Variants in NWD1 observed in about 807,000 individuals in gnomAD.
The protein encoded by NWD1 is NACHT and WD repeat domain containing 1, also known as NACHT domain- and WD repeat-containing protein 1.
A neutral mutation model predicts 135.1 loss-of-function variants in NWD1; 129 were observed. The ratio of observed to expected loss-of-function variants is 0.96; its 90% confidence interval spans 0.83 to 1.11. The LOEUF (loss-of-function observed/expected upper bound fraction) is 1.11, where lower values mean the gene tolerates loss of function less well. NWD1 is among the 50% of genes least tolerant of loss of function. NWD1 has a pLI of 0.00. For missense variants in NWD1, 1,740 were observed against 1,851.3 expected (o/e 0.94, Z 1.10); for synonymous variants, 773 against 786.0 (o/e 0.98, Z 0.28).
chr19:16,776,225 T>C (rs1371528132), intron 11 of NWD1, among the ~76,000 whole-genome samples: 4 of 152,078 alleles, frequency 2.6e-5, no homozygotes, highest in African/African-American at 9.7e-5. Context: ...CTAGTTCTGT[T>C]AAAGTTGAGA....
At chr19:16,790,597 G>A (rs1280783211) in intron 13 of NWD1, among the ~76,000 whole-genome samples, 2 of 150,002 alleles carry the variant, frequency 1.3e-5, no homozygotes, top group Admixed American at 6.7e-5. Flanking sequence ...AAACCTGCAC[G>A]TTCGGCACAT....
intron 11 of NWD1, 94 bp downstream of exon 11, chr19:16,773,417 C>T (rs778004347): frequency 1.4e-5 from 15 of 1,094,270 alleles, no homozygotes; most frequent in Non-Finnish European, 1.8e-5. Flanking sequence ...CTGGGACTCC[C>T]CTGTGCTAGT....
chr19:16,773,780 C>T (rs745880715), intron 11 of NWD1, among the ~76,000 whole-genome samples: 3 of 152,068 alleles, frequency 2.0e-5, no homozygotes, highest in Non-Finnish European at 4.4e-5. Context: ...TTCCATTCAT[C>T]CAACCATCTA....
rs190339086 is a variant in NWD1, at chr19:16,807,957, G to A, written c.4108G>A (p.Asp1370Asn). ...YRVVYSMTNG[D>N]LFLYECATSK... is the part of the protein sequence containing the mutation. Reference sequence around the variant, plus strand: ...CGTGGTCTACAGCATGACCAATGGGGACCTCTTTCTTTACGAGTGTGCAAC... The same window carrying A: ...CGTGGTCTACAGCATGACCAATGGGAACCTCTTTCTTTACGAGTGTGCAAC... Residue 1370 changes from aspartate (D) to asparagine (N), a missense_variant, in exon 18 of 19, where the codon GAC (aspartate) becomes AAC (asparagine). Transcript: ENST00000524140. 3 of 1,614,152 alleles carry A rather than the reference G, an allele frequency of 1.9e-6. No individual in the cohort carries two copies. Among genetic ancestry groups the A allele is most frequent in the Non-Finnish European group, 2.5e-6 (3 of 1,180,038 alleles).
At chr19:16,809,732 T>C (rs921730981) in intron 18 of NWD1, among the ~76,000 whole-genome samples, 1 of 151,734 alleles carries the variant, frequency 6.6e-6, no homozygotes, top group Admixed American at 6.6e-5. Flanking sequence ...TTTTTTTGTA[T>C]TTTTTTGGTA....
chr19:16,754,415 T>C (rs978468949), intron 6 of NWD1, among the ~76,000 whole-genome samples: 1 of 149,910 alleles, frequency 6.7e-6, no homozygotes, highest in Admixed American at 6.7e-5. Context: ...TATCCATCCG[T>C]CTATCCGCCC....
intron 18 of NWD1, among the ~76,000 whole-genome samples, chr19:16,812,533 G>T (rs939020163): frequency 7.9e-5 from 12 of 151,996 alleles, no homozygotes; most frequent in African/African-American, 2.9e-4. Context: ...GCCAGGCATG[G>T]TGGCTCATGC....
rs544183011 is a variant in NWD1, at chr19:16,797,876, C to A, written c.3449C>A (p.Ala1150Glu). The A allele has an allele frequency of 1.2e-6, 2 of 1,613,032 alleles. No homozygotes were observed. The highest frequency in any genetic ancestry group is 1.7e-6 in the Non-Finnish European group (2 of 1,179,286). Residue 1150 changes from alanine to glutamate, a missense_variant, in exon 16 of 19, where the codon GCG becomes GAG. By Grantham distance (107) the Ala-to-Glu change is moderately radical (BLOSUM62 -1). Transcript: ENST00000524140. ...NNLIITGSLDALIQVWSLSEQ... is the reference protein window; with the variant it reads ...NNLIITGSLDELIQVWSLSEQ... ...CTGATCATCACGGGGTCCCTTGATG[C>A]GCTCATTCAGGTGAGGGGAGATCTG... is the stretch of plus-strand genomic sequence containing the variant.
At chr19:16,768,876 C>T (rs915396589) in intron 10 of NWD1, among the ~76,000 whole-genome samples, 1 of 152,190 alleles carries the variant, frequency 6.6e-6, no homozygotes, top group African/African-American at 2.4e-5. Flanking sequence ...CTAATCCTGG[C>T]CCTGCAAACC....
intron 5 of NWD1, chr19:16,745,224 C>T (rs1002437917): frequency 1.6e-5 from 6 of 369,660 alleles, no homozygotes; most frequent in African/African-American, 1.1e-4. Context: ...TATTCACTAC[C>T]ACGAGAACAG....
chr19:16,749,504 G>A lies in NWD1; in HGVS notation c.862G>A (p.Gly288Arg), dbSNP rs145641467. 2.2e-5 allele frequency: 36 copies of A among 1,610,456 alleles called. No homozygotes were observed. The highest frequency in any genetic ancestry group is 2.0e-4 in the African/African-American group (15 of 74,830). Residue 288 changes from glycine to arginine, a missense_variant, in exon 6 of 19, where the codon GGA becomes AGA. Transcript: ENST00000524140. ...LTRLRELDTAGQELAWLYQEI... is the reference protein window; with the variant it reads ...LTRLRELDTARQELAWLYQEI... ...ACGCCTCCGTGAGCTGGATACGGCC[G>A]GACAGGAGTTGGCGTGGCTCTACCA... is the stretch of plus-strand genomic sequence containing the variant.
intron 11 of NWD1, among the ~76,000 whole-genome samples, chr19:16,774,601 T>TATCC (rs894399187): frequency 6.6e-6 from 1 of 150,908 alleles, no homozygotes; most frequent in African/African-American, 2.4e-5. Flanking sequence ...TTCATTAATC[T>TATCC]ATCCATCCAT....
In NWD1 at chr19:16,779,108, G is replaced by A. The variant is rs796116538; in HGVS notation, c.2609-235G>A. Among the ~76,000 whole-genome samples the A allele has an allele frequency of 9.2e-5, 14 of 152,290 alleles. 1 individual carries two copies. Among genetic ancestry groups the A allele is most frequent in the African/African-American group, 3.4e-4 (14 of 41,562 alleles). On this transcript the variant is annotated intron_variant, in intron 11 of 18. Transcript: ENST00000524140. ...CTAGACAGACACTTATGACCACACT[G>A]TGATGCAGTCCCCTTCCCTACCTAA...
At position 16,744,827 on chromosome 19, in the gene NWD1, C is replaced by G. The variant is rs183414778; in HGVS notation, c.496+109C>G. On this transcript the variant is annotated intron_variant, in intron 5 of 18. Transcript: ENST00000524140. ...CAACAGTCTGCATTTCTTGCAAATG[C>G]CAAACCAGTCAACCTCTGGTCCCTC... is the stretch of plus-strand genomic sequence containing the variant. The G allele has an allele frequency of 4.7e-5, 43 of 909,432 alleles. No homozygotes were observed. The East Asian group carries it at 8.6e-4, about 18-fold the overall frequency. The allele number at this position is 909,432 out of a possible 1,614,324, so 56.3% of individuals were successfully genotyped here.
chr19:16,774,646 G>A (rs527337404), intron 11 of NWD1, among the ~76,000 whole-genome samples: 227 of 143,412 alleles, frequency 1.6e-3, no homozygotes, highest in Non-Finnish European at 2.7e-3. Context: ...CCTTTCATCC[G>A]TCCATCCACC....
rs139528625 is a variant in NWD1, at chr19:16,757,492, G to A, written c.1770-1733G>A. On this transcript the variant is annotated intron_variant, in intron 6 of 18. Coordinates refer to ENST00000524140, the MANE Select transcript of NWD1 (RefSeq NM_001007525.5). ...TTTCTTCTTAGCCCTCAACAGTTTTGCTTTTGGCAGATGAGGAAACTGAGG... is the reference window on the plus strand; with the variant it reads ...TTTCTTCTTAGCCCTCAACAGTTTTACTTTTGGCAGATGAGGAAACTGAGG... Among the ~76,000 whole-genome samples, 3 of 152,258 alleles carry A rather than the reference G, an allele frequency of 2.0e-5. No individual in the cohort carries two copies. The East Asian group carries it at 5.8e-4, about 29-fold the overall frequency.
At chr19:16,797,633 C>T (rs1442665318) in intron 15 of NWD1, 99 bp from the exon 16 acceptor site, 2 of 1,140,950 alleles carry the variant, frequency 1.8e-6, no homozygotes, top group African/African-American at 3.1e-5. Context: ...CAGGCATGAA[C>T]CACCACATCC....
At chr19:16,725,825 T>C (rs938269269) in intron 2 of NWD1, among the ~76,000 whole-genome samples, 12 of 151,494 alleles carry the variant, frequency 7.9e-5, no homozygotes, top group Non-Finnish European at 1.5e-4. Context: ...AGCGGTGGGA[T>C]TACAGGCACG....
chr19:16,750,000 G>A lies in NWD1; in HGVS notation c.1358G>A (p.Trp453Ter), dbSNP rs1329332557. The change falls in exon 6 of 19, where the codon TGG becomes TAG. Residue 453 changes from tryptophan to a stop codon, truncating the protein, a stop_gained. Coordinates refer to ENST00000524140, the MANE Select transcript of NWD1 (RefSeq NM_001007525.5). LOFTEE classifies it high-confidence loss of function. ...DSVRHARRVPWLPLNCPPRVH... is the reference protein window; with the variant it reads ...DSVRHARRVP ...GTCCGCCATGCTCGGAGGGTTCCCTGGCTGCCTCTCAACTGCCCCCCGAGG... is the reference window on the plus strand; with the variant it reads ...GTCCGCCATGCTCGGAGGGTTCCCTAGCTGCCTCTCAACTGCCCCCCGAGG... The A allele has an allele frequency of 6.2e-7, 1 of 1,613,882 alleles. No homozygotes were observed.
Sources: gnomAD v4.1 joint callset for allele counts (sites outside exome capture counted in the v4.1 genomes callset) on GRCh38, gnomAD v4.1.1 for gene constraint, MANE v1.5 for transcripts, NCBI Gene and HGNC (gene_info 2026-07-23, HGNC 2026-07-21) for gene names.